The following FOLH1 variants were observed in gnomAD, a reference collection of about 807,000 sequenced individuals.
FOLH1 encodes the protein folate hydrolase 1.
In FOLH1, 54 loss-of-function variants were observed where a neutral mutation model predicts 93.9. That is an observed-to-expected ratio of 0.57 (90% CI 0.46 to 0.72). The LOEUF (loss-of-function observed/expected upper bound fraction) is 0.72. Among genes scored for constraint, FOLH1 ranks in the 30% least tolerant of loss-of-function variants. The pLI, the probability that FOLH1 is intolerant of heterozygous loss-of-function variation, is 0.00. For missense variants in FOLH1, 571 were observed against 892.5 expected, an observed-to-expected ratio of 0.64 and a Z score of 4.59; for synonymous variants, 249 against 303.6, an observed-to-expected ratio of 0.82 and a Z score of 1.87.
chr11:49,206,060 T>C lies in FOLH1; in HGVS notation c.224+7A>G. On this transcript the variant is annotated splice_region_variant and intron_variant, in intron 2 of 18. Transcript: ENST00000256999. ...TTGTCCATATAAACTTTCGAGGATG[T>C]ACTTACTATAAGAACTTCTTGATGT... The C allele has an allele frequency of 6.2e-7, 1 of 1,608,178 alleles. No homozygotes were observed. The highest frequency in any genetic ancestry group is 8.5e-7 in the Non-Finnish European group (1 of 1,177,458).
chr11:49,185,397 G>A (rs1338310991), intron 6 of FOLH1, among the ~76,000 whole-genome samples: 4 of 151,950 alleles, frequency 2.6e-5, no homozygotes, highest in Non-Finnish European at 5.9e-5. Flanking sequence ...AGCCCCCTAT[G>A]TCACTGTTAT....
Position 49,173,451 on chromosome 11 carries a change from G to T in FOLH1, c.1131C>A (p.His377Gln). The T allele has an allele frequency of 6.2e-7, 1 of 1,608,066 alleles. No homozygotes were observed. The highest frequency in any genetic ancestry group is 8.5e-7 in the Non-Finnish European group (1 of 1,176,244). ...EPDRYVILGG[H>Q]RDSWVFGGID... is the part of the protein sequence containing the mutation. The stretch of plus-strand genomic sequence containing the variant: ...TACCACCAAACACCCATGAGTCCCG[G>T]TGACCTCCCAGAATGACATATCTGT... The change falls in exon 10 of 19, where the codon CAC becomes CAA. Residue 377 changes from histidine (H) to glutamine (Q), a missense_variant. By Grantham distance (24) the His-to-Gln change is conservative. Transcript: ENST00000256999.
At chr11:49,179,463 T>C (rs1860478117) in intron 7 of FOLH1, among the ~76,000 whole-genome samples, 2 of 152,108 alleles carry the variant, frequency 1.3e-5, no homozygotes, top group Admixed American at 6.5e-5. Context: ...ATTTAGGAAA[T>C]TCACAAATAT....
intron 15 of FOLH1, among the ~76,000 whole-genome samples, chr11:49,154,841 C>T (rs943243202): frequency 1.1e-4 from 16 of 151,656 alleles, no homozygotes; most frequent in African/African-American, 2.2e-4. Flanking sequence ...AAAAAGAAGA[C>T]GAATTGTTAA....
chr11:49,180,291 G>A (rs1402876813), intron 7 of FOLH1, among the ~76,000 whole-genome samples: 1 of 152,180 alleles, frequency 6.6e-6, no homozygotes, highest in African/African-American at 2.4e-5. Flanking sequence ...TGCTATTACT[G>A]TTGCCGTTGG....
chr11:49,166,841 T>C (rs1045055359), intron 12 of FOLH1, among the ~76,000 whole-genome samples: 15 of 152,282 alleles, frequency 9.9e-5, no homozygotes, highest in African/African-American at 3.4e-4. Flanking sequence ...AGGGATGACA[T>C]AAGTAGCAAA....
At chr11:49,194,767 T>C (rs1862446125) in intron 3 of FOLH1, among the ~76,000 whole-genome samples, 1 of 151,876 alleles carries the variant, frequency 6.6e-6, no homozygotes, top group Admixed American at 6.6e-5. Context: ...CAAATATTAA[T>C]TAAAAAAAAT....
chr11:49,172,598 C>CA (rs942716133), intron 10 of FOLH1, among the ~76,000 whole-genome samples: 2 of 149,944 alleles, frequency 1.3e-5, no homozygotes, highest in South Asian at 2.1e-4. Flanking sequence ...AAAAGTTTCT[C>CA]AAAAAAAAAG....
intron 7 of FOLH1, among the ~76,000 whole-genome samples, chr11:49,177,138 G>C (rs1380618691): frequency 6.6e-6 from 1 of 152,168 alleles, no homozygotes; most frequent in Non-Finnish European, 1.5e-5. Flanking sequence ...CAATCAGTAA[G>C]ATCACTTTCT....
chr11:49,184,299 A>G (rs531653809), intron 6 of FOLH1, among the ~76,000 whole-genome samples: 2 of 152,314 alleles, frequency 1.3e-5, no homozygotes, highest in Non-Finnish European at 1.5e-5. Context: ...TGCCATAATA[A>G]AAAGTAAAAT....
At chr11:49,189,580 G>A (rs1260970555) in intron 4 of FOLH1, among the ~76,000 whole-genome samples, 4 of 152,160 alleles carry the variant, frequency 2.6e-5, no homozygotes, top group African/African-American at 7.2e-5. Flanking sequence ...TACACCTAAA[G>A]TGTGTTTTTG....
At chr11:49,183,798 A>G (rs1263626099) in intron 6 of FOLH1, among the ~76,000 whole-genome samples, 3 of 152,162 alleles carry the variant, frequency 2.0e-5, no homozygotes, top group Admixed American at 1.3e-4. Flanking sequence ...CTTGAAGTTC[A>G]AACCCAGGCA....
At chr11:49,154,937 T>C (rs1856853975) in intron 15 of FOLH1, among the ~76,000 whole-genome samples, 1 of 151,960 alleles carries the variant, frequency 6.6e-6, no homozygotes, top group African/African-American at 2.4e-5. Context: ...TAAATGATTG[T>C]CTGACAAGCA....
At chr11:49,164,799 T>G (rs1858163595) in intron 12 of FOLH1, 27 bp from the exon 13 acceptor site, 1 of 1,502,988 alleles carries the variant, frequency 6.7e-7, no homozygotes, top group Non-Finnish European at 9.1e-7. Context: ...GAATAGATTT[T>G]AAAATTTAAT....
At chr11:49,174,139 C>A (rs1161057634) in intron 9 of FOLH1, among the ~76,000 whole-genome samples, 1 of 152,096 alleles carries the variant, frequency 6.6e-6, no homozygotes, top group South Asian at 2.1e-4. Context: ...GGAACTGGCA[C>A]AAAATAGGTA....
In FOLH1 at chr11:49,154,311, A is replaced by G. The variant is rs567800489; in HGVS notation, c.1805T>C (p.Val602Ala). Residue 602 changes from valine to alanine, a missense_variant, in exon 16 of 19, where the codon GTA becomes GCA. By Grantham distance (64) the Val-to-Ala change is moderately conservative (BLOSUM62 0). Transcript: ENST00000256999. ...VLPFDCRDYA[V>A]VLRKYADKIY... is the part of the protein sequence containing the mutation. ...TTTGTCAGCATACTTTCTTAAAACT[A>G]CAGCATAATCTCGACAATCAAAAGG... The G allele has an allele frequency of 5.0e-6, 8 of 1,613,394 alleles. No individual in the cohort carries two copies. The highest frequency in any genetic ancestry group is 6.8e-6 in the Non-Finnish European group (8 of 1,179,634).
intron 2 of FOLH1, among the ~76,000 whole-genome samples, chr11:49,202,072 G>A (rs1312970376): frequency 1.3e-5 from 2 of 152,134 alleles, no homozygotes; most frequent in Admixed American, 1.3e-4. Flanking sequence ...AATCATGTAC[G>A]TGGTATAATA....
At chr11:49,151,395 TGCGC>T in intron 17 of FOLH1, among the ~76,000 whole-genome samples, 1 of 151,608 alleles carries the variant, frequency 6.6e-6, no homozygotes, top group South Asian at 2.1e-4. Context: ...CACACGTAAA[TGCGC>T]GCGTGCGCGT....
chr11:49,152,348 A>G (rs1466102529), intron 17 of FOLH1, among the ~76,000 whole-genome samples: 2 of 152,164 alleles, frequency 1.3e-5, no homozygotes, highest in African/African-American at 4.8e-5. Context: ...TCTTGAACAC[A>G]TTAGCAATAT....
Sources: allele counts gnomAD v4.1 joint callset (sites outside exome capture counted in the v4.1 genomes callset), GRCh38; gene constraint gnomAD v4.1.1; transcripts MANE v1.5; gene names NCBI Gene and HGNC (gene_info 2026-07-23, HGNC 2026-07-21).